Variants in CREBZF observed in about 807,000 individuals in gnomAD.
CREBZF encodes the protein HCF-binding transcription factor Zhangfei.
In CREBZF, 8 loss-of-function variants were observed where a neutral mutation model predicts 21.1. The observed-to-expected ratio is 0.38, with a 90% confidence interval of 0.22 to 0.68. The LOEUF (loss-of-function observed/expected upper bound fraction) is 0.68, where lower values mean the gene tolerates loss of function less well. CREBZF is among the 30% of genes least tolerant of loss of function. The probability of loss-of-function intolerance (pLI) is 0.51; values close to 1 mark genes in which losing one functional copy is unlikely to be tolerated. For synonymous variants in CREBZF, 270 were observed against 223.3 expected, an observed-to-expected ratio of 1.21 and a Z score of -1.86; for missense variants, 518 against 484.3, an observed-to-expected ratio of 1.07 and a Z score of -0.65.
At chr11:85,675,692 G>A (rs1001332441) in intron 1 of CREBZF, among the ~76,000 whole-genome samples, 11 of 152,158 alleles carry the variant, frequency 7.2e-5, no homozygotes, top group Admixed American at 3.3e-4. Flanking sequence ...ACAAACCTTC[G>A]ATTTGTAAAA....
At chr11:85,666,580 C>G (rs1330163224), upstream of CREBZF, among the ~76,000 whole-genome samples, 2 of 152,184 alleles carry the variant, frequency 1.3e-5, no homozygotes, top group South Asian at 2.1e-4. Flanking sequence ...CTATAGGATA[C>G]TGAATAATGT....
Position 85,665,058 on chromosome 11 carries a change from A to C in CREBZF, c.-183T>G, listed in dbSNP as rs1255778586. The C allele has an allele frequency of 2.3e-6, 1 of 441,710 alleles. No individual in the cohort carries two copies. Among genetic ancestry groups the C allele is most frequent in the Non-Finnish European group, 4.0e-6 (1 of 248,466 alleles). 27.4% of individuals were successfully genotyped at this position (441,710 alleles called of 1,614,324 possible). A position where few individuals can be genotyped will look rare whatever the true frequency, so the allele number is the denominator to read the frequency against. On this transcript the variant is annotated 5_prime_UTR_variant, in exon 1 of 1. Transcript: ENST00000527447. ...CCCCCGCGCCAAGGCGCGGGGAGGG[A>C]CGGGAGAACGAAGCGGTGAGGCCCT...
chr11:85,664,725 G>C lies in CREBZF; in HGVS notation c.151C>G (p.Pro51Ala), dbSNP rs779903479. Residue 51 changes from proline to alanine, a missense_variant, in exon 1 of 1, where the codon CCC (proline) becomes GCC (alanine). Around this residue, in one of 3 missense-constraint regions of CREBZF, gnomAD observed 396 missense variants for 324.4 expected, o/e 1.22. Transcript: ENST00000527447. This position sits in a 1 kb window ranked among gnomAD's most constrained non-coding sequence, Gnocchi z 5.5. Reference sequence around the variant, plus strand: ...TCGCCAAACTGCTGCTTGCGGCCGGGAGATCCGGCCGCCGCCGTCTCCTCC... The same window carrying C: ...TCGCCAAACTGCTGCTTGCGGCCGGCAGATCCGGCCGCCGCCGTCTCCTCC... ...GEEETAAAGSPGRKQQFGDEG... is the reference protein window; with the variant it reads ...GEEETAAAGSAGRKQQFGDEG... 6.9e-6 allele frequency: 11 copies of C among 1,604,958 alleles called. No homozygotes were observed. Among genetic ancestry groups the C allele is most frequent in the African/African-American group, 4.0e-5 (3 of 74,480 alleles).
chr11:85,669,432 ACACACACT>A (rs1378271088), upstream of CREBZF, among the ~76,000 whole-genome samples: 2 of 141,546 alleles, frequency 1.4e-5, no homozygotes, highest in Admixed American at 7.2e-5. Context: ...ACACACACAC[ACACACACT>A]CACACACAAT....
At chr11:85,670,359 A>G (rs2082904082) in intron 1 of CREBZF, among the ~76,000 whole-genome samples, 2 of 115,922 alleles carry the variant, frequency 1.7e-5, no homozygotes, top group East Asian at 5.9e-4. Flanking sequence ...GGTGGAGTGC[A>G]GTGGCGCAAT....
chr11:85,663,293 T>C lies in CREBZF; in HGVS notation c.*518A>G. On this transcript the variant is annotated 3_prime_UTR_variant, in exon 1 of 1. Transcript: ENST00000527447. ...GACAGAAGAGCTAGGTACACGCAAG[T>C]CTGAATAAGGGGACACATTAATAGC... The C allele has an allele frequency of 1.8e-6, 1 of 569,506 alleles. No individual in the cohort carries two copies. The highest frequency in any genetic ancestry group is 2.9e-5 in the East Asian group (1 of 34,038). The allele number at this position is 569,506 out of a possible 1,614,324, so 35.3% of individuals were successfully genotyped here. A position where few individuals can be genotyped will look rare whatever the true frequency, so the allele number is the denominator to read the frequency against.
rs1192033793 is a variant in CREBZF, at chr11:85,663,843, C to A, written c.1033G>T (p.Ala345Ser). Reference sequence around the variant, plus strand: ...TTAAGAGAAGACGACGCCTTCCGGGCGCACGCCGAGCAGAACTCCACCGAC... The same window carrying A: ...TTAAGAGAAGACGACGCCTTCCGGGAGCACGCCGAGCAGAACTCCACCGAC... ...KVSVEFCSACARKASSSLKM is the reference protein window; with the variant it reads ...KVSVEFCSACSRKASSSLKM Residue 345 changes from alanine to serine, a missense_variant, in exon 1 of 1, where the codon GCC becomes TCC. Ala to Ser is a moderately conservative substitution (Grantham distance 99). Around this residue, in one of 3 missense-constraint regions of CREBZF, gnomAD observed 114 missense variants for 134.1 expected, o/e 0.85. Transcript: ENST00000527447. The A allele has an allele frequency of 1.2e-6, 2 of 1,603,824 alleles. No individual in the cohort carries two copies. Among genetic ancestry groups the A allele is most frequent in the East Asian group, 2.2e-5 (1 of 44,750 alleles).
chr11:85,680,294 G>T (rs2082968488), intron 1 of CREBZF, among the ~76,000 whole-genome samples: 1 of 152,202 alleles, frequency 6.6e-6, no homozygotes, highest in Non-Finnish European at 1.5e-5. Context: ...TCCAAAGTGT[G>T]AACCTGTTCC....
chr11:85,678,910 C>A (rs778270624), intron 1 of CREBZF, among the ~76,000 whole-genome samples: 1 of 152,096 alleles, frequency 6.6e-6, no homozygotes, highest in Non-Finnish European at 1.5e-5. Context: ...TCTGAGTTTC[C>A]AAAGGGCTCT....
chr11:85,675,209 G>A (rs2082934678), intron 1 of CREBZF, among the ~76,000 whole-genome samples: 1 of 152,018 alleles, frequency 6.6e-6, no homozygotes, highest in African/African-American at 2.4e-5. Flanking sequence ...TTCACGACTT[G>A]GCTAACTGGT....
rs772966590 is a variant in CREBZF at position 85,664,552 on chromosome 11, C to G, written c.324G>C (p.Ala108=). ...DMDFLSGLEL[A]DLLDPRQPDW... is the part of the protein sequence containing the mutation. ...CCGGTTGCCTGGGGTCCAGGAGATC[C>G]GCCAGTTCCAGCCCAGACAGAAAGT... The change falls in exon 1 of 1, where the codon GCG becomes GCC. Residue 108 remains alanine, a synonymous_variant. Transcript: ENST00000527447. The surrounding 1 kb of genome is among the most constrained non-coding windows in gnomAD (Gnocchi z 5.5). The G allele has an allele frequency of 1.2e-6, 2 of 1,613,808 alleles. No homozygotes were observed. The highest frequency in any genetic ancestry group is 1.7e-6 in the Non-Finnish European group (2 of 1,179,996).
chr11:85,682,669 C>T (rs2082984836), intron 1 of CREBZF: 4 of 592,172 alleles, frequency 6.8e-6, no homozygotes, highest in Admixed American at 5.1e-5. Context: ...CTGGAGCCCA[C>T]TCCCCTTGTA....
At chr11:85,665,830 T>C (rs185178207), upstream of CREBZF, among the ~76,000 whole-genome samples, 11 of 152,150 alleles carry the variant, frequency 7.2e-5, no homozygotes, top group East Asian at 1.2e-3. Flanking sequence ...CTCTGACAAA[T>C]AGAGCCAGGA....
At chr11:85,681,355 A>G (rs927475002) in intron 1 of CREBZF, among the ~76,000 whole-genome samples, 3 of 152,236 alleles carry the variant, frequency 2.0e-5, no homozygotes, top group African/African-American at 7.2e-5. Context: ...ATTATTTAAT[A>G]TATGGAGTCA....
chr11:85,663,435 A>G lies in CREBZF; in HGVS notation c.*376T>C. ...ACCTTCCAAAACAGAAAAAAAAAAAAAAATCACACACACACAAACTGAGAT... is the reference window on the plus strand; with the variant it reads ...ACCTTCCAAAACAGAAAAAAAAAAAGAAATCACACACACACAAACTGAGAT... On this transcript the variant is annotated 3_prime_UTR_variant, in exon 1 of 1. Coordinates refer to ENST00000527447, the MANE Select transcript of CREBZF (RefSeq NM_001039618.4). The G allele has an allele frequency of 1.4e-6, 1 of 704,904 alleles. No individual in the cohort carries two copies. Among genetic ancestry groups the G allele is most frequent in the Non-Finnish European group, 2.5e-6 (1 of 398,660 alleles). The allele number at this position is 704,904 out of a possible 1,614,324, so 43.7% of individuals were successfully genotyped here. A position where few individuals can be genotyped will look rare whatever the true frequency, so the allele number is the denominator to read the frequency against.
Position 85,682,776 on chromosome 11 carries a change from C to T in CREBZF, n.88G>A, listed in dbSNP as rs9943496. The T allele has an allele frequency of 0.015, 10,744 of 701,002 alleles. 803 individuals carry two copies. In the African/African-American group the frequency reaches 0.17, roughly 11 times the overall value. The allele number at this position is 701,002 out of a possible 1,614,324, so 43.4% of individuals were successfully genotyped here. On this transcript the variant is annotated non_coding_transcript_exon_variant, in exon 1 of 4. Transcript: ENST00000531515. ...GGCCTCTGCCCATGGGACTTCTCCC[C>T]GCAGGCTGGGCGCAAAACTTAGGCC...
At chr11:85,682,587 C>T (rs1364960213) in intron 1 of CREBZF, 2 of 517,516 alleles carry the variant, frequency 3.9e-6, no homozygotes, top group Admixed American at 3.4e-5. Context: ...GGGACACGCG[C>T]CCCTACCCCC....
intron 1 of CREBZF, among the ~76,000 whole-genome samples, chr11:85,679,153 C>T (rs1003623470): frequency 6.6e-6 from 1 of 152,158 alleles, no homozygotes; most frequent in Admixed American, 6.6e-5. Context: ...GTGAAGCTTT[C>T]GAAGCTACTG....
Position 85,662,564 on chromosome 11 carries a change from T to C in CREBZF, c.*1247A>G. ...CCTCTTACACTGAAGGACACCATAA[T>C]TCAATTTATACAACTGGTTAATAGA... On this transcript the variant is annotated 3_prime_UTR_variant, in exon 1 of 1. Transcript: ENST00000527447. The C allele has an allele frequency of 1.7e-6, 1 of 598,686 alleles. No individual in the cohort carries two copies. Among genetic ancestry groups the C allele is most frequent in the Non-Finnish European group, 3.1e-6 (1 of 324,356 alleles). 37.1% of individuals were successfully genotyped at this position (598,686 alleles called of 1,614,324 possible). A position where few individuals can be genotyped will look rare whatever the true frequency, so the allele number is the denominator to read the frequency against.
Sources: gnomAD v4.1 joint callset for allele counts (sites outside exome capture counted in the v4.1 genomes callset) on GRCh38, gnomAD v4.1.1 for gene constraint, gnomAD v4.1.1 regional missense constraint, Gnocchi (gnomAD v3.1) non-coding constraint, MANE v1.5 for transcripts, NCBI Gene and HGNC (gene_info 2026-07-23, HGNC 2026-07-21) for gene names.